Variants in KCNT2 observed in about 807,000 individuals in gnomAD.
KCNT2 encodes potassium channel subfamily T member 2.
In KCNT2, 67 loss-of-function variants were observed where a neutral mutation model predicts 153.8. That is an observed-to-expected ratio of 0.44 (90% CI 0.36 to 0.53). The LOEUF is 0.53. KCNT2 is among the 20% of genes least tolerant of loss of function. KCNT2 has a pLI of 0.00. For missense variants in KCNT2, 975 were observed against 1,354.8 expected (o/e 0.72, Z 4.40); for synonymous variants, 500 against 458.8 (o/e 1.09, Z -1.15).
At chr1:196,358,532 A>G (rs1457867525) in intron 14 of KCNT2, among the ~76,000 whole-genome samples, 1 of 151,880 alleles carries the variant, frequency 6.6e-6, no homozygotes, top group Non-Finnish European at 1.5e-5. Context: ...CCTTTATAAT[A>G]CTTCAAAATA....
At chr1:196,264,756 C>T (rs576544287) in intron 25 of KCNT2, among the ~76,000 whole-genome samples, 5 of 152,130 alleles carry the variant, frequency 3.3e-5, no homozygotes, top group African/African-American at 9.7e-5. Flanking sequence ...CTCAGACTCC[C>T]GAGCAGCTAA....
intron 14 of KCNT2, among the ~76,000 whole-genome samples, chr1:196,352,082 G>T (rs868733392): frequency 0.049 from 7,438 of 151,898 alleles, 275 homozygotes; most frequent in Non-Finnish European, 0.071. Context: ...ATAAGCTTTT[G>T]GATGTGTTGC....
rs778882106 is a variant in KCNT2, at chr1:196,428,177, C to A, written c.912G>T (p.Leu304=). Residue 304 remains leucine, a synonymous_variant, in exon 10 of 28, where the codon CTG becomes CTT. Transcript: ENST00000294725. ...AATCAATCTTCAGTGAGCTGACACA[C>A]AGGACGACATGCTTTTCAGTTTGAG... ...HRAQTEKHVV[L]CVSSLKIDLL... 6.2e-7 allele frequency: 1 copy of A among 1,612,184 alleles called. No individual in the cohort carries two copies. Among genetic ancestry groups the A allele is most frequent in the African/African-American group, 1.3e-5 (1 of 74,852 alleles).
At chr1:196,454,829 G>A (rs1386061662) in intron 8 of KCNT2, among the ~76,000 whole-genome samples, 1 of 151,914 alleles carries the variant, frequency 6.6e-6, no homozygotes, top group African/African-American at 2.4e-5. Context: ...AGTCTAGGTA[G>A]GCTCAGCCGG....
intron 13 of KCNT2, among the ~76,000 whole-genome samples, chr1:196,380,194 C>T (rs1280636975): frequency 6.6e-6 from 1 of 152,124 alleles, no homozygotes; most frequent in African/African-American, 2.4e-5. Context: ...TCAATAGAAA[C>T]TGCCTCAACA....
At chr1:196,417,705 T>C (rs1216171977) in intron 12 of KCNT2, among the ~76,000 whole-genome samples, 3 of 152,142 alleles carry the variant, frequency 2.0e-5, no homozygotes, top group Non-Finnish European at 4.4e-5. Context: ...GCGATGGGGA[T>C]ATATTCTGAG....
chr1:196,272,767 CCTT>C (rs1283460937), intron 25 of KCNT2, among the ~76,000 whole-genome samples: 1 of 151,780 alleles, frequency 6.6e-6, no homozygotes, highest in African/African-American at 2.4e-5. Flanking sequence ...ATGTTGTTCT[CCTT>C]CTCTCAAAAA....
chr1:196,374,497 A>C (rs1467460278), intron 13 of KCNT2, among the ~76,000 whole-genome samples: 3 of 151,850 alleles, frequency 2.0e-5, no homozygotes, highest in Non-Finnish European at 1.5e-5. Context: ...TTACTCAAAA[A>C]TACAAAAATA....
At chr1:196,511,225 A>G (rs1373613690) in intron 1 of KCNT2, among the ~76,000 whole-genome samples, 1 of 152,078 alleles carries the variant, frequency 6.6e-6, no homozygotes, top group African/African-American at 2.4e-5. Flanking sequence ...AAAGAAAATA[A>G]GAATCCAGAG....
At chr1:196,559,319 G>A (rs1173529321) in intron 1 of KCNT2, among the ~76,000 whole-genome samples, 4 of 151,556 alleles carry the variant, frequency 2.6e-5, no homozygotes, top group South Asian at 2.1e-4. Flanking sequence ...AATGGGATAC[G>A]TGGTATTTTA....
intron 1 of KCNT2, among the ~76,000 whole-genome samples, chr1:196,541,844 A>T (rs977642223): frequency 6.6e-6 from 1 of 152,096 alleles, no homozygotes; most frequent in Non-Finnish European, 1.5e-5. Flanking sequence ...ATGCACCATT[A>T]TATATTGATT....
chr1:196,448,016 A>G (rs1675843037), intron 8 of KCNT2, among the ~76,000 whole-genome samples: 1 of 151,590 alleles, frequency 6.6e-6, no homozygotes, highest in African/African-American at 2.4e-5. Flanking sequence ...TTTCTAATGG[A>G]TCTCCTAGGA....
intron 1 of KCNT2, among the ~76,000 whole-genome samples, chr1:196,545,793 G>A (rs1345868912): frequency 1.6e-5 from 2 of 128,712 alleles, no homozygotes; most frequent in Non-Finnish European, 3.1e-5. Context: ...AATATTTCAT[G>A]TAAATGAAAT....
At chr1:196,440,076 A>C (rs923407358) in intron 8 of KCNT2, among the ~76,000 whole-genome samples, 2 of 151,994 alleles carry the variant, frequency 1.3e-5, no homozygotes, top group Non-Finnish European at 2.9e-5. Flanking sequence ...ACATTCAATA[A>C]GGATACAAAG....
In KCNT2 at chr1:196,369,268, T is replaced by A. The variant is rs572472845; in HGVS notation, c.1403+3872A>T. ...TCCAGCATTTCCTTGTGGAAATCAT[T>A]ATAGTCCATGTTCAAAGGTGATTTT... On this transcript the variant is annotated intron_variant, in intron 14 of 27. Transcript: ENST00000294725. Among the ~76,000 whole-genome samples the A allele has an allele frequency of 4.5e-4, 68 of 152,280 alleles. 1 individual carries two copies. The highest frequency in any genetic ancestry group is 3.4e-3 in the Middle Eastern group (1 of 294).
intron 3 of KCNT2, among the ~76,000 whole-genome samples, chr1:196,486,694 T>A (rs10737671): frequency 2.0e-5 from 3 of 148,474 alleles, no homozygotes; most frequent in Non-Finnish European, 3.0e-5. Flanking sequence ...CAAGATGAAC[T>A]CAAAGACTGG....
At chr1:196,583,784 G>C (rs2148983092) in intron 1 of KCNT2, among the ~76,000 whole-genome samples, 1 of 152,168 alleles carries the variant, frequency 6.6e-6, no homozygotes, top group South Asian at 2.1e-4. Context: ...CGTAAGTAGA[G>C]CCATAGGGCA....
At chr1:196,296,893 T>C (rs577719063) in intron 22 of KCNT2, among the ~76,000 whole-genome samples, 225 of 152,122 alleles carry the variant, frequency 1.5e-3, no homozygotes, top group Non-Finnish European at 2.9e-3. Context: ...AATCAAATAG[T>C]GATGGACATA....
intron 3 of KCNT2, among the ~76,000 whole-genome samples, chr1:196,484,776 A>G (rs562045281): frequency 2.0e-5 from 3 of 152,200 alleles, no homozygotes; most frequent in African/African-American, 7.2e-5. Flanking sequence ...CATTTATTGA[A>G]TAGGAGATCC....
Sources: gnomAD v4.1 joint callset for allele counts (sites outside exome capture counted in the v4.1 genomes callset) on GRCh38, gnomAD v4.1.1 for gene constraint, MANE v1.5 for transcripts, NCBI Gene and HGNC (gene_info 2026-07-23, HGNC 2026-07-21) for gene names.